The following CGRRF1 variants were observed in gnomAD, a reference collection of about 807,000 sequenced individuals.
CGRRF1 encodes the protein cell growth regulator with RING finger domain protein 1.
A neutral mutation model predicts 37.2 loss-of-function variants in CGRRF1; 32 were observed. The observed-to-expected ratio is 0.86, with a 90% CI of 0.65 to 1.16. The LOEUF (loss-of-function observed/expected upper bound fraction) is 1.16, where lower values mean the gene tolerates loss of function less well. Among genes scored for constraint, CGRRF1 ranks in the 50% most tolerant of loss-of-function variants. The pLI is 0.00. For missense variants in CGRRF1, 391 were observed against 382.6 expected (o/e 1.02, Z -0.18); for synonymous variants, 141 against 140.3 (o/e 1.00, Z -0.04).
At chr14:54,510,348 A>G (rs2032109615) in intron 1 of CGRRF1, 1 of 451,262 alleles carries the variant, frequency 2.2e-6, no homozygotes, top group East Asian at 4.5e-5. Flanking sequence ...TAAAGCAGCC[A>G]GGAAGGGCTT....
intron 2 of CGRRF1, among the ~76,000 whole-genome samples, chr14:54,525,054 A>G (rs982737469): frequency 2.0e-5 from 3 of 152,162 alleles, no homozygotes; most frequent in African/African-American, 7.2e-5. Context: ...CTCAAAAAAT[A>G]AAATAAAAAA....
chr14:54,512,396 T>A (rs1322664925), intron 1 of CGRRF1, among the ~76,000 whole-genome samples: 1 of 152,246 alleles, frequency 6.6e-6, no homozygotes, highest in East Asian at 1.9e-4. Context: ...TCTGATAGCT[T>A]TCTGCAGGCA....
chr14:54,530,221 G>C lies in CGRRF1; in HGVS notation c.417G>C (p.Gln139His). Reference protein sequence around the residue: ...ALYSEYLYQEQYFIKKDSKEE... With the variant: ...ALYSEYLYQEHYFIKKDSKEE... ...ATAGTGAATATCTCTATCAGGAACA[G>C]TATTTGTATCCTTTCGTCTGATATA... Residue 139 changes from glutamine to histidine, a missense_variant, in exon 3 of 6, where the codon CAG (glutamine) becomes CAC (histidine). Physicochemically the swap from Gln to His is conservative, Grantham distance 24. Transcript: ENST00000216420. The C allele has an allele frequency of 6.3e-7, 1 of 1,596,746 alleles. No individual in the cohort carries two copies. Among genetic ancestry groups the C allele is most frequent in the South Asian group, 1.1e-5 (1 of 90,330 alleles).
At chr14:54,523,496 G>C (rs897386628) in intron 2 of CGRRF1, among the ~76,000 whole-genome samples, 1 of 151,694 alleles carries the variant, frequency 6.6e-6, no homozygotes, top group African/African-American at 2.4e-5. Flanking sequence ...TCATAAAAAA[G>C]AATATGCTGA....
At chr14:54,518,444 G>T (rs1302640079) in intron 1 of CGRRF1, among the ~76,000 whole-genome samples, 1 of 152,012 alleles carries the variant, frequency 6.6e-6, no homozygotes, top group Non-Finnish European at 1.5e-5. Context: ...CAGCTACTTG[G>T]GAGGCTGAGG....
In CGRRF1 at chr14:54,534,625, A is replaced by G. The variant is rs993063399; in HGVS notation, c.571-3097A>G. ...CAAAAAGTTGCAAAAATAAAAAAGT[A>G]AAAGATCACCCATATACCCTGCACC... On this transcript the variant is annotated intron_variant, in intron 4 of 5. Coordinates refer to ENST00000216420, the MANE Select transcript of CGRRF1 (RefSeq NM_006568.3). Among the ~76,000 whole-genome samples, 7 of 152,350 alleles carry G rather than the reference A, an allele frequency of 4.6e-5. 1 individual carries two copies. The highest frequency in any genetic ancestry group is 6.5e-5 in the Admixed American group (1 of 15,300).
At chr14:54,518,496 G>A (rs2032255515) in intron 1 of CGRRF1, among the ~76,000 whole-genome samples, 1 of 151,354 alleles carries the variant, frequency 6.6e-6, no homozygotes, top group African/African-American at 2.4e-5. Context: ...GTTGCGGTGA[G>A]CTGAGATCAT....
intron 4 of CGRRF1, 97 bp from the exon 5 acceptor site, chr14:54,537,625 A>C (rs2032620333): frequency 1.7e-6 from 2 of 1,207,716 alleles, no homozygotes; most frequent in Non-Finnish European, 2.1e-6. Context: ...TTTTTGGCAG[A>C]AGACAGTGTC....
intron 4 of CGRRF1, among the ~76,000 whole-genome samples, chr14:54,533,490 T>C (rs1035783768): frequency 1.3e-5 from 2 of 152,170 alleles, no homozygotes; most frequent in African/African-American, 4.8e-5. Context: ...GGGGGTAATA[T>C]TGGCACTCAA....
At chr14:54,530,483 A>G (rs2032494363) in intron 3 of CGRRF1, 1 of 1,137,760 alleles carries the variant, frequency 8.8e-7, no homozygotes, top group Admixed American at 2.5e-5. Context: ...CTTATTGATC[A>G]TTTTTGGTAT....
chr14:54,513,968 A>G (rs2032175629), intron 1 of CGRRF1, among the ~76,000 whole-genome samples: 1 of 152,158 alleles, frequency 6.6e-6, no homozygotes, highest in Admixed American at 6.5e-5. Flanking sequence ...AGACATGGAC[A>G]GAGCTGAGAA....
intron 2 of CGRRF1, among the ~76,000 whole-genome samples, chr14:54,526,691 G>C (rs374069569): frequency 1.3e-5 from 2 of 152,088 alleles, no homozygotes; most frequent in African/African-American, 4.8e-5. Flanking sequence ...TCTGCTTTTT[G>C]TAAATAGCTT....
intron 1 of CGRRF1, among the ~76,000 whole-genome samples, chr14:54,516,599 A>G (rs976118845): frequency 6.6e-6 from 1 of 151,918 alleles, no homozygotes; most frequent in Non-Finnish European, 1.5e-5. Flanking sequence ...TTTTCTCTAT[A>G]TTACTGGTTT....
At chr14:54,522,349 CACTT>C (rs1444998269) in intron 1 of CGRRF1, 101 bp from the exon 2 acceptor site, 6 of 767,900 alleles carry the variant, frequency 7.8e-6, no homozygotes, top group Non-Finnish European at 9.6e-6. Flanking sequence ...CTCTTTCTGA[CACTT>C]AATGCTAAAA....
intron 5 of CGRRF1, 58 bp downstream of exon 5, chr14:54,537,887 T>A: frequency 6.4e-7 from 1 of 1,552,902 alleles, no homozygotes; most frequent in Non-Finnish European, 8.6e-7. Context: ...TTTCAAAGAA[T>A]GGCCATTTAT....
At position 54,509,944 on chromosome 14, in the gene CGRRF1, C is replaced by G. The variant is rs770379085; in HGVS notation, c.-16C>G. On this transcript the variant is annotated 5_prime_UTR_variant, in exon 1 of 6. Transcript: ENST00000216420. The stretch of plus-strand genomic sequence containing the variant: ...CTCCGCGGCTGGAGCCGGGCTCTAC[C>G]CAGAGCAAGACCCTGATGGCTGCGG... 6 of 1,592,472 alleles carry G rather than the reference C, an allele frequency of 3.8e-6. No individual in the cohort carries two copies. The highest frequency in any genetic ancestry group is 2.2e-5 in the East Asian group (1 of 44,786).
intron 4 of CGRRF1, among the ~76,000 whole-genome samples, chr14:54,534,278 C>T (rs940471162): frequency 6.6e-6 from 1 of 152,098 alleles, no homozygotes; most frequent in Non-Finnish European, 1.5e-5. Flanking sequence ...GCACGCACCA[C>T]CACGCCCAGT....
chr14:54,515,830 T>G (rs575176534), intron 1 of CGRRF1, among the ~76,000 whole-genome samples: 340 of 152,306 alleles, frequency 2.2e-3, no homozygotes, highest in Non-Finnish European at 3.0e-3. Flanking sequence ...GTTTCTTGTA[T>G]GCACCATATA....
In CGRRF1 at chr14:54,538,256, A is replaced by T; in HGVS notation, c.872A>T (p.His291Leu). 3 of 1,614,218 alleles carry T rather than the reference A, an allele frequency of 1.9e-6. No individual in the cohort carries two copies. The highest frequency in any genetic ancestry group is 1.7e-6 in the Non-Finnish European group (2 of 1,180,022). The change falls in exon 6 of 6, where the codon CAC becomes CTC. Residue 291 changes from histidine to leucine, a missense_variant. Coordinates refer to ENST00000216420, the MANE Select transcript of CGRRF1 (RefSeq NM_006568.3). ...AACTGGGTACTCTTACCATGCAGAC[A>T]CACATGCCTGTGTGATGGCTGTGTG... is the stretch of plus-strand genomic sequence containing the variant. ...TVNWVLLPCR[H>L]TCLCDGCVKY...
Sources: gnomAD v4.1 joint callset for allele counts (sites outside exome capture counted in the v4.1 genomes callset) on GRCh38, gnomAD v4.1.1 for gene constraint, MANE v1.5 for transcripts, NCBI Gene and HGNC (gene_info 2026-07-23, HGNC 2026-07-21) for gene names.